The following NHS variants were observed in gnomAD, a reference collection of about 807,000 sequenced individuals.
NHS encodes actin remodeling regulator NHS.
Under a neutral mutation model 72.5 loss-of-function variants are expected in NHS, and 5 were observed. The ratio of observed to expected loss-of-function variants is 0.07; its 90% CI spans 0.04 to 0.14. NHS has a LOEUF of 0.14. NHS is among the 10% of genes least tolerant of loss of function. The pLI is 1.00. For synonymous variants in NHS, 464 were observed against 547.7 expected (o/e 0.85, Z 2.13); for missense variants, 1,072 against 1,355.7 (o/e 0.79, Z 3.29).
chrX:17,571,747 A>C (rs2065479909), intron 1 of NHS, among the ~76,000 whole-genome samples: 1 of 110,968 alleles, frequency 9.0e-6, no homozygotes, highest in South Asian at 3.8e-4. Flanking sequence ...TAGTTCTTTT[A>C]ATTGTGATGT....
At chrX:17,491,205 C>T (rs6527803) in intron 1 of NHS, among the ~76,000 whole-genome samples, 1 of 110,258 alleles carries the variant, frequency 9.1e-6, no homozygotes, top group African/African-American at 3.3e-5. Flanking sequence ...TCTTGGGCCG[C>T]TTTTCAAAGG....
chrX:17,652,986 T>A (rs2065937363), intron 1 of NHS, among the ~76,000 whole-genome samples: 2 of 111,291 alleles, frequency 1.8e-5, no homozygotes, highest in Admixed American at 1.9e-4. Context: ...CTCTGCTGTA[T>A]CCCCACAAGC....
chrX:17,614,270 A>G (rs1164695463), intron 1 of NHS, among the ~76,000 whole-genome samples: 2 of 112,587 alleles, frequency 1.8e-5, no homozygotes, highest in African/African-American at 6.5e-5. Context: ...TCAGCAGACA[A>G]GAGGCCGCAA....
Position 17,375,922 on chromosome X carries a change from G to C in NHS, c.165G>C (p.Glu55Asp). The change falls in exon 1 of 9, where the codon GAG (glutamate) becomes GAC (aspartate). Residue 55 changes from glutamate (E) to aspartate (D), a missense_variant. Coordinates refer to ENST00000676302, the MANE Select transcript of NHS (RefSeq NM_001291867.2). ...ACGAGGTCGAGGCGCCAGGGCCAGA[G>C]GAGCCAGCCCGCGCCGTCCCTGCAC... is the stretch of plus-strand genomic sequence containing the variant. ...DLDEVEAPGP[E>D]EPARAVPAPS... is the part of the protein sequence containing the mutation. 2 of 1,092,868 alleles carry C rather than the reference G, an allele frequency of 1.8e-6. No individual in the cohort carries two copies. Among genetic ancestry groups the C allele is most frequent in the Non-Finnish European group, 2.4e-6 (2 of 844,341 alleles). The allele number at this position is 1,092,868 out of a possible 1,213,427, so 90.1% of individuals were successfully genotyped here.
chrX:17,397,776 C>T (rs1314370176), intron 1 of NHS, among the ~76,000 whole-genome samples: 5 of 112,133 alleles, frequency 4.5e-5, no homozygotes, highest in African/African-American at 6.5e-5. Flanking sequence ...TTTGCTCATC[C>T]ATTCATCCAT....
At chrX:17,545,662 T>C (rs2065289404) in intron 1 of NHS, among the ~76,000 whole-genome samples, 1 of 112,151 alleles carries the variant, frequency 8.9e-6, no homozygotes, top group Admixed American at 9.4e-5. Context: ...CATACATTGG[T>C]CAGTGTCCAG....
chrX:17,563,045 G>A (rs1488483408), intron 1 of NHS, among the ~76,000 whole-genome samples: 1 of 112,117 alleles, frequency 8.9e-6, no homozygotes, highest in Non-Finnish European at 1.9e-5. Context: ...CATGGTTTGT[G>A]CCCACGCTGC....
chrX:17,567,632 T>C (rs1181211270), intron 1 of NHS, among the ~76,000 whole-genome samples: 1 of 109,262 alleles, frequency 9.2e-6, no homozygotes, highest in Non-Finnish European at 1.9e-5. Context: ...AAAGAACAGC[T>C]AGTGAAGAAA....
intron 1 of NHS, among the ~76,000 whole-genome samples, chrX:17,507,630 T>A (rs781293754): frequency 1.7e-4 from 19 of 112,254 alleles, no homozygotes; most frequent in Non-Finnish European, 3.0e-4. Context: ...TGGGGATTTT[T>A]AGTAAAGACC....
intron 1 of NHS, among the ~76,000 whole-genome samples, chrX:17,566,063 C>T (rs1048965465): frequency 6.5e-5 from 7 of 108,443 alleles, no homozygotes; most frequent in African/African-American, 2.4e-4. Flanking sequence ...ACTGCAGCCT[C>T]GACCACTCTG....
intron 1 of NHS, among the ~76,000 whole-genome samples, chrX:17,628,579 G>A (rs1369380371): frequency 1.8e-5 from 2 of 113,127 alleles, no homozygotes; most frequent in East Asian, 5.5e-4. Flanking sequence ...GTGGGTAGCT[G>A]GGATTTCAAT....
chrX:17,610,207 C>T (rs1254018347), intron 1 of NHS, among the ~76,000 whole-genome samples: 2 of 111,844 alleles, frequency 1.8e-5, no homozygotes, highest in East Asian at 2.8e-4. Context: ...GGAGACTTCT[C>T]TTGAAGTCTC....
At chrX:17,544,200 A>G (rs958041944) in intron 1 of NHS, among the ~76,000 whole-genome samples, 1 of 112,317 alleles carries the variant, frequency 8.9e-6, no homozygotes, top group Non-Finnish European at 1.9e-5. Context: ...TCCCCATTTT[A>G]TAGATAAACA....
intron 1 of NHS, among the ~76,000 whole-genome samples, chrX:17,513,711 A>G (rs918529441): frequency 1.8e-5 from 2 of 112,230 alleles, no homozygotes; most frequent in South Asian, 7.5e-4. Flanking sequence ...GTGCACCACA[A>G]GGGGACATTT....
At chrX:17,486,758 T>C (rs1370959274) in intron 1 of NHS, among the ~76,000 whole-genome samples, 2 of 112,145 alleles carry the variant, frequency 1.8e-5, no homozygotes, top group South Asian at 3.8e-4. Context: ...GCAACAACAA[T>C]AATAAATGAG....
At chrX:17,633,042 CAG>C (rs1202112755) in intron 1 of NHS, among the ~76,000 whole-genome samples, 1 of 110,522 alleles carries the variant, frequency 9.0e-6, no homozygotes, top group African/African-American at 3.3e-5. Flanking sequence ...ATTTAGGAAA[CAG>C]TAATAAACAG....
intron 1 of NHS, chrX:17,557,242 G>A (rs2065382544): frequency 1.9e-5 from 2 of 104,172 alleles, no homozygotes; most frequent in Admixed American, 1.1e-4. Context: ...CCCTCCAAGA[G>A]CCATCCACTT....
At chrX:17,486,739 C>T (rs950005959) in intron 1 of NHS, among the ~76,000 whole-genome samples, 1 of 111,963 alleles carries the variant, frequency 8.9e-6, no homozygotes. Flanking sequence ...TATCACTGAA[C>T]AATAATAAGC....
At chrX:17,731,788 C>T in intron 8 of NHS, 70 bp from the exon 9 acceptor site, 1 of 1,141,594 alleles carries the variant, frequency 8.8e-7, no homozygotes, top group Non-Finnish European at 1.2e-6. Flanking sequence ...GTGAATGCGA[C>T]TGAATACTTC....
Sources: gnomAD v4.1 joint callset for allele counts (sites outside exome capture counted in the v4.1 genomes callset) on GRCh38, gnomAD v4.1.1 for gene constraint, MANE v1.5 for transcripts, NCBI Gene and HGNC (gene_info 2026-07-23, HGNC 2026-07-21) for gene names.